The following PLD1 variants were observed in gnomAD, a reference collection of about 807,000 sequenced individuals.
The protein encoded by PLD1 is phospholipase D1, also known as choline phosphatase 1.
Under a neutral mutation model 137.1 loss-of-function variants are expected in PLD1, and 112 were observed. That is an observed-to-expected ratio of 0.82 (90% CI 0.70 to 0.96). The LOEUF is 0.96. Ranked by LOEUF, PLD1 falls within the 40% of genes least tolerant of loss-of-function variation. PLD1 has a pLI of 0.00. For synonymous variants in PLD1, 431 were observed against 454.7 expected, an observed-to-expected ratio of 0.95 and a Z score of 0.66; for missense variants, 1,321 against 1,342.0, an observed-to-expected ratio of 0.98 and a Z score of 0.24.
intron 19 of PLD1, among the ~76,000 whole-genome samples, chr3:171,668,512 T>A (rs564275742): frequency 6.6e-6 from 1 of 152,328 alleles, no homozygotes; most frequent in Admixed American, 6.5e-5. Context: ...TGGATGTTAT[T>A]TATACTTTCT....
chr3:171,602,326 G>A lies in PLD1; in HGVS notation c.*752C>T, dbSNP rs1731885586. On this transcript the variant is annotated 3_prime_UTR_variant, in exon 27 of 27. Transcript: ENST00000351298. The stretch of plus-strand genomic sequence containing the variant: ...TGCATGTTTTTACATTTGATCAGGT[G>A]GGCCTAATCACAAGGACTCATGTTG... 1 of 152,204 alleles carries A rather than the reference G, an allele frequency of 6.6e-6. No individual in the cohort carries two copies. The highest frequency in any genetic ancestry group is 1.9e-4 in the East Asian group (1 of 5,202). The allele number at this position is 152,204 out of a possible 1,614,324, so 9.4% of individuals were successfully genotyped here.
chr3:171,770,787 G>A (rs908826213), intron 1 of PLD1, among the ~76,000 whole-genome samples: 2 of 150,786 alleles, frequency 1.3e-5, no homozygotes, highest in Non-Finnish European at 2.9e-5. Context: ...TATTCAGGAG[G>A]TTGAGGTGGG....
intron 25 of PLD1, among the ~76,000 whole-genome samples, chr3:171,610,484 T>C (rs1371554576): frequency 6.6e-6 from 1 of 152,230 alleles, no homozygotes; most frequent in African/African-American, 2.4e-5. Context: ...ATGAATTTAA[T>C]TTTCTTACTG....
intron 11 of PLD1, among the ~76,000 whole-genome samples, chr3:171,704,057 G>T (rs1289319722): frequency 6.6e-6 from 1 of 152,144 alleles, no homozygotes; most frequent in African/African-American, 2.4e-5. Context: ...TAAAAATTGG[G>T]GAGAGGAGCT....
At chr3:171,787,216 T>C (rs1264098643) in intron 1 of PLD1, among the ~76,000 whole-genome samples, 29 of 152,146 alleles carry the variant, frequency 1.9e-4, no homozygotes, top group Non-Finnish European at 2.1e-4. Flanking sequence ...ATGCCTGTGC[T>C]GAAGTACCAA....
intron 1 of PLD1, among the ~76,000 whole-genome samples, chr3:171,753,035 A>G (rs1720771366): frequency 6.6e-6 from 1 of 152,196 alleles, no homozygotes; most frequent in African/African-American, 2.4e-5. Flanking sequence ...CTGCTTGCCC[A>G]TACAAGCCTG....
At chr3:171,792,932 G>C in intron 1 of PLD1, 1 of 321,834 alleles carries the variant, frequency 3.1e-6, no homozygotes, top group African/African-American at 2.2e-5. Context: ...GACTCCCCAA[G>C]GAAGTGGGGC....
Position 171,738,060 on chromosome 3 carries a change from T to A in PLD1, c.-9A>T. The A allele has an allele frequency of 6.2e-7, 1 of 1,609,324 alleles. No homozygotes were observed. Among genetic ancestry groups the A allele is most frequent in the Non-Finnish European group, 8.5e-7 (1 of 1,177,802 alleles). The stretch of plus-strand genomic sequence containing the variant: ...TCGTTTTTCAGTGACATGTTAACTT[T>A]GGACAGAGTAAAAGCAAAGGGGCTA... On this transcript the variant is annotated 5_prime_UTR_variant, in exon 2 of 27. Coordinates refer to ENST00000351298, the MANE Select transcript of PLD1 (RefSeq NM_002662.5).
chr3:171,767,102 G>C (rs953795628), intron 1 of PLD1, among the ~76,000 whole-genome samples: 2 of 152,172 alleles, frequency 1.3e-5, no homozygotes, highest in Non-Finnish European at 2.9e-5. Context: ...ACTCCTACTG[G>C]CCAAATTAAA....
intron 23 of PLD1, among the ~76,000 whole-genome samples, chr3:171,638,516 A>G (rs980524354): frequency 4.6e-5 from 7 of 152,158 alleles, no homozygotes; most frequent in Admixed American, 4.6e-4. Flanking sequence ...CCTTTCTCCT[A>G]TCTATTTTTG....
chr3:171,767,320 GC>G (rs1394741613), intron 1 of PLD1, among the ~76,000 whole-genome samples: 1 of 152,150 alleles, frequency 6.6e-6, no homozygotes, highest in Non-Finnish European at 1.5e-5. Flanking sequence ...CCAGGTTCTT[GC>G]CACTGGTCAC....
intron 1 of PLD1, among the ~76,000 whole-genome samples, chr3:171,769,412 C>T (rs190905872): frequency 6.1e-4 from 93 of 152,292 alleles, no homozygotes; most frequent in Admixed American, 1.4e-3. Flanking sequence ...GTGGACAAGT[C>T]GTTCCTTAAA....
At chr3:171,788,250 C>CTTT (rs58878929) in intron 1 of PLD1, among the ~76,000 whole-genome samples, 3,646 of 110,144 alleles carry the variant, frequency 0.033, 29 homozygotes, top group East Asian at 0.057. Context: ...ATCTGCACTT[C>CTTT]TTTTTTTTTT....
intron 15 of PLD1, 55 bp downstream of exon 15, chr3:171,687,316 G>T: frequency 7.1e-7 from 1 of 1,400,622 alleles, no homozygotes. Flanking sequence ...GTAGTGTCTG[G>T]CTATGGAAGA....
chr3:171,638,627 A>G (rs2108357101), intron 23 of PLD1, among the ~76,000 whole-genome samples: 1 of 152,312 alleles, frequency 6.6e-6, no homozygotes, highest in Admixed American at 6.5e-5. Flanking sequence ...AAGATTATTG[A>G]TTGCTAAATT....
At chr3:171,798,718 A>T (rs1054832481) in intron 1 of PLD1, among the ~76,000 whole-genome samples, 7 of 152,152 alleles carry the variant, frequency 4.6e-5, no homozygotes, top group Non-Finnish European at 5.9e-5. Context: ...GTTATCCTTT[A>T]TTTGATTGCA....
chr3:171,802,739 A>T (rs985437727), intron 1 of PLD1, among the ~76,000 whole-genome samples: 1 of 152,242 alleles, frequency 6.6e-6, no homozygotes, highest in African/African-American at 2.4e-5. Context: ...CCCAGGCTCC[A>T]ATGAATGAGC....
In PLD1 at chr3:171,737,533, C is replaced by G. The variant is rs749983044; in HGVS notation, c.287G>C (p.Arg96Thr). 2.2e-5 allele frequency: 36 copies of G among 1,606,370 alleles called. No individual in the cohort carries two copies. The highest frequency in any genetic ancestry group is 2.8e-5 in the Non-Finnish European group (33 of 1,178,148). Reference protein sequence around the residue: ...LEVERFTSTTRVPSINLYTIE... With the variant: ...LEVERFTSTTTVPSINLYTIE... ...GGGTGAGTCCATAAACGCTCTGACC[C>G]TTGTTGTAGATGTGAAGCGTTCCAC... is the stretch of plus-strand genomic sequence containing the variant. The change falls in exon 3 of 27, where the codon AGG becomes ACG. Residue 96 changes from arginine (R) to threonine (T), a missense_variant and splice_region_variant. By Grantham distance (71) the Arg-to-Thr change is moderately conservative. Coordinates refer to ENST00000351298, the MANE Select transcript of PLD1 (RefSeq NM_002662.5).
intron 1 of PLD1, among the ~76,000 whole-genome samples, chr3:171,773,589 G>A (rs981160472): frequency 6.6e-6 from 1 of 151,904 alleles, no homozygotes. Flanking sequence ...GCAACAGAGC[G>A]AGACTCCGTC....
Sources: gnomAD v4.1 joint callset for allele counts (sites outside exome capture counted in the v4.1 genomes callset) on GRCh38, gnomAD v4.1.1 for gene constraint, MANE v1.5 for transcripts, NCBI Gene and HGNC (gene_info 2026-07-23, HGNC 2026-07-21) for gene names.